DPT: variants seen among roughly 807,000 people sequenced by gnomAD.
DPT encodes dermatopontin, also known as tyrosine-rich acidic matrix protein.
A neutral mutation model predicts 31.2 loss-of-function variants in DPT; 21 were observed. That is an observed-to-expected ratio of 0.67 (90% confidence interval 0.48 to 0.97). DPT has a LOEUF of 0.97. DPT is among the 50% of genes least tolerant of loss of function. The pLI is 0.00. For missense variants in DPT, 262 were observed against 258.8 expected (o/e 1.01, Z -0.08); for synonymous variants, 91 against 86.9 (o/e 1.05, Z -0.26).
chr1:168,728,751 T>G, intron 1 of DPT, 119 bp downstream of exon 1: 1 of 1,268,926 alleles, frequency 7.9e-7, no homozygotes, highest in Non-Finnish European at 1.1e-6. Context: ...TGGTGAGGTT[T>G]GGGGTGGGAT....
At chr1:168,708,347 A>G (rs929410380) in intron 2 of DPT, among the ~76,000 whole-genome samples, 1 of 152,202 alleles carries the variant, frequency 6.6e-6, no homozygotes, top group Non-Finnish European at 1.5e-5. Context: ...AAGGGATGAT[A>G]GATTTTGCTC....
intron 2 of DPT, among the ~76,000 whole-genome samples, chr1:168,710,220 C>T (rs1462908014): frequency 6.6e-6 from 1 of 152,168 alleles, no homozygotes; most frequent in Non-Finnish European, 1.5e-5. Context: ...TGTTCTGCTG[C>T]TTCTCCAATG....
chr1:168,703,116 T>C (rs1572625156), intron 2 of DPT, among the ~76,000 whole-genome samples: 1 of 152,134 alleles, frequency 6.6e-6, no homozygotes, highest in Non-Finnish European at 1.5e-5. Context: ...GAACAAAAAA[T>C]ATTTTCTAAA....
At chr1:168,707,163 ATC>A (rs1649738323) in intron 2 of DPT, among the ~76,000 whole-genome samples, 2 of 152,178 alleles carry the variant, frequency 1.3e-5, no homozygotes, top group East Asian at 3.9e-4. Flanking sequence ...CAGTTCCCTC[ATC>A]TGTATGATAG....
In DPT at chr1:168,726,455, TGA is replaced by T. The variant is rs1650243584; in HGVS notation, c.305+2413_305+2414del. 5.3e-5 allele frequency among the ~76,000 whole-genome samples: 8 copies of T among 152,282 alleles called. No homozygotes were observed. In the South Asian group the frequency reaches 1.7e-3, roughly 32 times the overall value. On this transcript the variant is annotated intron_variant, in intron 1 of 3. Coordinates refer to ENST00000367817, the MANE Select transcript of DPT (RefSeq NM_001937.5). ...AAAAAGCCAAGAGTGTTTTCAGGGG[TGA>T]GCCACAGCTCTGTGGAGCCTTCAGA...
intron 1 of DPT, among the ~76,000 whole-genome samples, chr1:168,720,169 C>T (rs1650070026): frequency 6.6e-6 from 1 of 152,082 alleles, no homozygotes; most frequent in Admixed American, 6.5e-5. Context: ...TGTGTGGAGT[C>T]AGTGATAATG....
chr1:168,704,144 G>T (rs762778934), intron 2 of DPT, among the ~76,000 whole-genome samples: 6 of 152,208 alleles, frequency 3.9e-5, no homozygotes, highest in Admixed American at 2.0e-4. Context: ...GGAAGAGTTC[G>T]GTGTGGTTGC....
In DPT at chr1:168,696,077, C is replaced by A; in HGVS notation, c.*472G>T. 2.5e-6 allele frequency: 1 copy of A among 399,556 alleles called. No homozygotes were observed. The highest frequency in any genetic ancestry group is 1.4e-4 in the South Asian group (1 of 7,354). The allele number at this position is 399,556 out of a possible 1,614,324, so 24.8% of individuals were successfully genotyped here. On this transcript the variant is annotated 3_prime_UTR_variant, in exon 4 of 4. Transcript: ENST00000367817. ...GGAGCAGGGGAGTGGGAAGATGTCC[C>A]TCAGGGCAGAAAGCCTGCTTTTGGT...
intron 2 of DPT, among the ~76,000 whole-genome samples, chr1:168,704,220 T>G (rs1649665170): frequency 6.6e-6 from 1 of 152,146 alleles, no homozygotes; most frequent in African/African-American, 2.4e-5. Flanking sequence ...AAAACACACT[T>G]CATACTGAGC....
chr1:168,714,356 A>G lies in DPT; in HGVS notation c.306-10T>C. ...GGAGCACGTCTGGTACCTGAAGAGA[A>G]GACAACCCCAGGAACCTAAGAACAG... On this transcript the variant is annotated splice_polypyrimidine_tract_variant and intron_variant, in intron 1 of 3. Coordinates refer to ENST00000367817, the MANE Select transcript of DPT (RefSeq NM_001937.5). 1 of 1,614,122 alleles carries G rather than the reference A, an allele frequency of 6.2e-7. No individual in the cohort carries two copies. Among genetic ancestry groups the G allele is most frequent in the Non-Finnish European group, 8.5e-7 (1 of 1,180,016 alleles).
chr1:168,728,119 C>T (rs996233946), intron 1 of DPT, among the ~76,000 whole-genome samples: 18 of 152,196 alleles, frequency 1.2e-4, no homozygotes, highest in African/African-American at 4.3e-4. Context: ...AAAGTACAAG[C>T]TCGAAAAAAT....
intron 2 of DPT, among the ~76,000 whole-genome samples, chr1:168,704,562 C>CAAA (rs1286764253): frequency 2.0e-5 from 3 of 151,868 alleles, no homozygotes; most frequent in African/African-American, 7.3e-5. Flanking sequence ...ACAACAACAA[C>CAAA]AAAAAAAGCA....
intron 1 of DPT, among the ~76,000 whole-genome samples, chr1:168,717,618 T>C (rs1650012755): frequency 6.6e-6 from 1 of 152,212 alleles, no homozygotes; most frequent in Non-Finnish European, 1.5e-5. Flanking sequence ...TTTTTTATTA[T>C]GAAGTCTTTG....
rs546177040 is a variant in DPT at position 168,729,154 on chromosome 1, C to T, written c.21G>A (p.Trp7Ter). Residue 7 changes from tryptophan (W) to a stop codon, truncating the protein, a stop_gained, in exon 1 of 4, where the codon TGG becomes TGA. Coordinates refer to ENST00000367817, the MANE Select transcript of DPT (RefSeq NM_001937.5). LOFTEE classifies it high-confidence loss of function. MDLSLL[W>*]VLLPLVTMAW... ...CCATGGTGACTAGGGGCAGAAGTAC[C>T]CAGAGAAGACTGAGGTCCATGCTGC... is the stretch of plus-strand genomic sequence containing the variant. The T allele has an allele frequency of 1.9e-6, 3 of 1,613,754 alleles. No individual in the cohort carries two copies. Among genetic ancestry groups the T allele is most frequent in the Non-Finnish European group, 2.5e-6 (3 of 1,179,756 alleles).
chr1:168,713,962 G>A (rs1396383049), intron 2 of DPT, among the ~76,000 whole-genome samples: 2 of 152,082 alleles, frequency 1.3e-5, no homozygotes, highest in Admixed American at 1.3e-4. Flanking sequence ...CAGAGTAGGT[G>A]GGTGACTTTG....
At chr1:168,727,638 A>G (rs1650280779) in intron 1 of DPT, among the ~76,000 whole-genome samples, 1 of 151,286 alleles carries the variant, frequency 6.6e-6, no homozygotes, top group Admixed American at 6.6e-5. Flanking sequence ...CCTGGGCTCA[A>G]GTGATCCTCC....
At chr1:168,696,690 G>A in intron 3 of DPT, 75 bp from the exon 4 acceptor site, 1 of 1,331,252 alleles carries the variant, frequency 7.5e-7, no homozygotes, top group Non-Finnish European at 1.1e-6. Flanking sequence ...TGGGGAAACA[G>A]CAGCAGAGAA....
chr1:168,702,612 CTTTTTTT>C lies in DPT; in HGVS notation c.432-1495_432-1489del, dbSNP rs10656421. Reference sequence around the variant, plus strand: ...AGGACTTTACCTTTCAGGTAAATGTCTTTTTTTTTTTTTTTTTGAGACCAAGTCTCAC... The same window carrying C: ...AGGACTTTACCTTTCAGGTAAATGTCTTTTTTTTTTGAGACCAAGTCTCAC... On this transcript the variant is annotated intron_variant, in intron 2 of 3. Coordinates refer to ENST00000367817, the MANE Select transcript of DPT (RefSeq NM_001937.5). Among the ~76,000 whole-genome samples the C allele has an allele frequency of 3.8e-5, 5 of 132,404 alleles. No individual in the cohort carries two copies. The South Asian group carries it at 1.2e-3, about 33-fold the overall frequency. The allele number at this position is 132,404 out of a possible 152,430, so 86.9% of individuals were successfully genotyped here. A position where few individuals can be genotyped will look rare whatever the true frequency, so the allele number is the denominator to read the frequency against.
At chr1:168,706,537 C>T (rs1213338957) in intron 2 of DPT, among the ~76,000 whole-genome samples, 1 of 152,144 alleles carries the variant, frequency 6.6e-6, no homozygotes, top group Non-Finnish European at 1.5e-5. Flanking sequence ...AGAACAATCC[C>T]CAGGCTTCTT....
Sources: gnomAD v4.1 joint callset for allele counts (sites outside exome capture counted in the v4.1 genomes callset) on GRCh38, gnomAD v4.1.1 for gene constraint, MANE v1.5 for transcripts, NCBI Gene and HGNC (gene_info 2026-07-23, HGNC 2026-07-21) for gene names.